MBNL1: variants seen among roughly 807,000 people sequenced by gnomAD.
MBNL1 encodes the protein muscleblind-like protein 1.
A neutral mutation model predicts 42.2 loss-of-function variants in MBNL1; 8 were observed. That is an observed-to-expected ratio of 0.19 (90% CI 0.11 to 0.34). The LOEUF (loss-of-function observed/expected upper bound fraction) is 0.34, where lower values mean the gene tolerates loss of function less well. Among genes scored for constraint, MBNL1 ranks in the 10% least tolerant of loss-of-function variants. The probability of loss-of-function intolerance (pLI) is 1.00; values close to 1 mark genes in which losing one functional copy is unlikely to be tolerated. For missense variants in MBNL1, 309 were observed against 495.3 expected (o/e 0.62, Z 3.57); for synonymous variants, 169 against 173.9 (o/e 0.97, Z 0.22).
At chr3:152,252,747 G>A (rs961776158) in intron 2 of MBNL1, among the ~76,000 whole-genome samples, 7 of 151,990 alleles carry the variant, frequency 4.6e-5, no homozygotes, top group Admixed American at 2.0e-4. Context: ...AAAGTTAAAT[G>A]GGCATGTTAC....
chr3:152,244,655 A>G (rs2032458894), intron 2 of MBNL1, among the ~76,000 whole-genome samples: 1 of 152,182 alleles, frequency 6.6e-6, no homozygotes, highest in African/African-American at 2.4e-5. Context: ...TAAAGTTTTC[A>G]TTGATCTCCA....
At chr3:152,319,985 AATACACTAC>A in intron 2 of MBNL1, among the ~76,000 whole-genome samples, 1 of 152,258 alleles carries the variant, frequency 6.6e-6, no homozygotes, top group African/African-American at 2.4e-5. Context: ...TGTGTCATAG[AATACACTAC>A]ATTATTCTTG....
In MBNL1 at chr3:152,299,533, C is replaced by G; in HGVS notation, c.-661C>G. 2.5e-6 allele frequency: 1 copy of G among 393,366 alleles called. No homozygotes were observed. Among genetic ancestry groups the G allele is most frequent in the South Asian group, 1.4e-4 (1 of 6,986 alleles). 24.4% of individuals were successfully genotyped at this position (393,366 alleles called of 1,614,324 possible). A position where few individuals can be genotyped will look rare whatever the true frequency, so the allele number is the denominator to read the frequency against. On this transcript the variant is annotated 5_prime_UTR_variant, in exon 2 of 10. Coordinates refer to ENST00000324210, the MANE Select transcript of MBNL1 (RefSeq NM_021038.5). ...AGCACATCCACCCTCCACCTCTAGC[C>G]CAGACACCCCCATTTCTACTTATAA...
intron 3 of MBNL1, among the ~76,000 whole-genome samples, chr3:152,423,351 G>C (rs1408139578): frequency 2.6e-5 from 4 of 152,160 alleles, no homozygotes; most frequent in African/African-American, 9.7e-5. Flanking sequence ...TAAATTCCTG[G>C]ACACGTACAG....
chr3:152,293,004 A>T (rs1346505344), intron 1 of MBNL1, among the ~76,000 whole-genome samples: 1 of 152,104 alleles, frequency 6.6e-6, no homozygotes, highest in Admixed American at 6.6e-5. Context: ...CCTGGCCTCA[A>T]GCAGTCCTCC....
chr3:152,448,554 A>G (rs1465841836), intron 6 of MBNL1, among the ~76,000 whole-genome samples: 3 of 152,096 alleles, frequency 2.0e-5, no homozygotes, highest in Non-Finnish European at 4.4e-5. Context: ...AGAAACTCAA[A>G]TCTCACTTTC....
At chr3:152,459,690 C>T (rs896989706) in intron 9 of MBNL1, among the ~76,000 whole-genome samples, 3 of 151,738 alleles carry the variant, frequency 2.0e-5, no homozygotes, top group Middle Eastern at 3.2e-3. Context: ...CTGTGTGGGC[C>T]GTATCGTTTC....
intron 2 of MBNL1, among the ~76,000 whole-genome samples, chr3:152,306,960 G>A (rs2063460986): frequency 6.6e-6 from 1 of 152,056 alleles, no homozygotes; most frequent in African/African-American, 2.4e-5. Context: ...AACTAAAACA[G>A]CTTCATTTTT....
At chr3:152,319,118 T>C (rs960342658) in intron 2 of MBNL1, among the ~76,000 whole-genome samples, 1 of 152,158 alleles carries the variant, frequency 6.6e-6, no homozygotes, top group Non-Finnish European at 1.5e-5. Context: ...TTTTAAAATA[T>C]GATAACAAAA....
At chr3:152,345,522 G>A (rs1441915313) in intron 2 of MBNL1, among the ~76,000 whole-genome samples, 1 of 152,038 alleles carries the variant, frequency 6.6e-6, no homozygotes, top group Non-Finnish European at 1.5e-5. Context: ...ATTTTTTAAA[G>A]CATCTTGCAA....
At chr3:152,284,184 T>C (rs1446648791) in intron 1 of MBNL1, among the ~76,000 whole-genome samples, 1 of 152,118 alleles carries the variant, frequency 6.6e-6, no homozygotes, top group South Asian at 2.1e-4. Flanking sequence ...CTGTTGAATG[T>C]ATTTGAATTT....
At chr3:152,315,291 T>C (rs2070078511) in intron 2 of MBNL1, among the ~76,000 whole-genome samples, 1 of 152,204 alleles carries the variant, frequency 6.6e-6, no homozygotes, top group South Asian at 2.1e-4. Flanking sequence ...AAACCTAATA[T>C]ATTCCCACTA....
chr3:152,381,596 A>C (rs901720324), intron 2 of MBNL1, among the ~76,000 whole-genome samples: 1 of 152,018 alleles, frequency 6.6e-6, no homozygotes, highest in South Asian at 2.1e-4. Context: ...GTAATTATCT[A>C]GTAATTCTAT....
At chr3:152,294,893 AT>A (rs2057906894) in intron 1 of MBNL1, among the ~76,000 whole-genome samples, 1 of 152,286 alleles carries the variant, frequency 6.6e-6, no homozygotes, top group East Asian at 1.9e-4. Context: ...AGAGATTTCT[AT>A]TTTTTGAAAT....
chr3:152,303,151 A>C (rs1359202480), intron 2 of MBNL1, among the ~76,000 whole-genome samples: 2 of 152,184 alleles, frequency 1.3e-5, no homozygotes, highest in African/African-American at 4.8e-5. Flanking sequence ...TGATGATTTT[A>C]AGGTTTAAAT....
At chr3:152,351,299 A>G (rs2152988307) in intron 2 of MBNL1, among the ~76,000 whole-genome samples, 1 of 152,316 alleles carries the variant, frequency 6.6e-6, no homozygotes, top group Non-Finnish European at 1.5e-5. Context: ...ATGAGATTTC[A>G]TTATGTCATT....
chr3:152,349,872 C>T (rs771674713), intron 2 of MBNL1, among the ~76,000 whole-genome samples: 6 of 152,010 alleles, frequency 3.9e-5, no homozygotes, highest in African/African-American at 1.2e-4. Context: ...GTTGGGATGA[C>T]TAGGCCTGGA....
chr3:152,292,271 T>C (rs1191890102), intron 1 of MBNL1, among the ~76,000 whole-genome samples: 1 of 152,254 alleles, frequency 6.6e-6, no homozygotes, highest in Non-Finnish European at 1.5e-5. Flanking sequence ...TTTTAAATCA[T>C]TGTCTGTATA....
intron 1 of MBNL1, among the ~76,000 whole-genome samples, chr3:152,292,634 C>T (rs1195647991): frequency 1.3e-5 from 2 of 152,150 alleles, no homozygotes; most frequent in East Asian, 3.8e-4. Context: ...TGAAAGTTAT[C>T]TTTTTCTTTG....
Sources: allele counts gnomAD v4.1 joint callset (sites outside exome capture counted in the v4.1 genomes callset), GRCh38; gene constraint gnomAD v4.1.1; transcripts MANE v1.5; gene names NCBI Gene and HGNC (gene_info 2026-07-23, HGNC 2026-07-21).